SH3RF1: variants seen among roughly 807,000 people sequenced by gnomAD.
SH3RF1 encodes the protein E3 ubiquitin-protein ligase SH3RF1.
A neutral mutation model predicts 74.0 loss-of-function variants in SH3RF1; 32 were observed. The ratio of observed to expected loss-of-function variants is 0.43; its 90% CI spans 0.33 to 0.58. SH3RF1 has a LOEUF of 0.58. Ranked by LOEUF, SH3RF1 falls within the 20% of genes least tolerant of loss-of-function variation. SH3RF1 has a pLI of 0.05. For missense variants in SH3RF1, 954 were observed against 1,130.9 expected, an observed-to-expected ratio of 0.84 and a Z score of 2.24; for synonymous variants, 396 against 439.6, an observed-to-expected ratio of 0.90 and a Z score of 1.24.
At chr4:169,233,248 CAAAAAAAAAAAA>C (rs372381759) in intron 2 of SH3RF1, among the ~76,000 whole-genome samples, 1 of 65,594 alleles carries the variant, frequency 1.5e-5, no homozygotes, top group East Asian at 5.0e-4. Flanking sequence ...GACTCCATCT[CAAAAAAAAAAAA>C]AAAAAAAAAA....
At chr4:169,096,735 T>A (rs762766413) in intron 11 of SH3RF1, 48 bp from the exon 12 acceptor site, 7 of 1,554,196 alleles carry the variant, frequency 4.5e-6, no homozygotes, top group Admixed American at 4.0e-5. Flanking sequence ...GCAGTGATTT[T>A]AAAAAATGGT....
At chr4:169,226,055 T>G (rs934907721) in intron 2 of SH3RF1, among the ~76,000 whole-genome samples, 11 of 152,122 alleles carry the variant, frequency 7.2e-5, no homozygotes, top group Non-Finnish European at 1.5e-4. Context: ...GATAACCACT[T>G]CTAGGAGAAA....
At chr4:169,251,578 C>A (rs1295797042) in intron 2 of SH3RF1, among the ~76,000 whole-genome samples, 2 of 152,198 alleles carry the variant, frequency 1.3e-5, no homozygotes, top group Non-Finnish European at 2.9e-5. Context: ...GGTTGGCTTT[C>A]GTCCTTCAAA....
At chr4:169,105,591 A>C (rs894060675) in intron 11 of SH3RF1, among the ~76,000 whole-genome samples, 1 of 152,248 alleles carries the variant, frequency 6.6e-6, no homozygotes, top group Non-Finnish European at 1.5e-5. Context: ...CTTCTGGCTC[A>C]GGAAGAAGAA....
intron 2 of SH3RF1, among the ~76,000 whole-genome samples, chr4:169,266,633 G>C (rs1230151084): frequency 6.9e-6 from 1 of 144,508 alleles, no homozygotes; most frequent in African/African-American, 2.6e-5. Flanking sequence ...GGCAGGGGAT[G>C]GGGGAGGGGT....
intron 6 of SH3RF1, among the ~76,000 whole-genome samples, chr4:169,129,585 C>T (rs1733579815): frequency 6.6e-6 from 1 of 152,150 alleles, no homozygotes; most frequent in Non-Finnish European, 1.5e-5. Flanking sequence ...AGCTACAGAC[C>T]ATATGGACAC....
At chr4:169,184,059 C>G (rs1293845326) in intron 2 of SH3RF1, among the ~76,000 whole-genome samples, 1 of 152,140 alleles carries the variant, frequency 6.6e-6, no homozygotes, top group East Asian at 1.9e-4. Context: ...GGAAGGTGTT[C>G]ACAAACAATC....
chr4:169,117,687 C>T lies in SH3RF1; in HGVS notation c.1613G>A (p.Gly538Glu). ...ATTTCCCTGGAGCTTCTGGGCAGGC[C>T]CTCCTGCCGTGGAAGGACTGACCAT... ...VTMVSPSTAG[G>E]PAQKLQGNGV... Residue 538 changes from glycine to glutamate, a missense_variant, in exon 9 of 12, where the codon GGG (glycine) becomes GAG (glutamate). Physicochemically the swap from Gly to Glu is moderately conservative, Grantham distance 98. Transcript: ENST00000284637. 1.2e-6 allele frequency: 2 copies of T among 1,614,160 alleles called. No individual in the cohort carries two copies. Among genetic ancestry groups the T allele is most frequent in the South Asian group, 1.1e-5 (1 of 91,084 alleles).
At chr4:169,121,075 G>C in intron 7 of SH3RF1, 86 bp from the exon 8 acceptor site, 6 of 1,074,722 alleles carry the variant, frequency 5.6e-6, no homozygotes, top group Non-Finnish European at 7.1e-6. Context: ...ACAAAGTGTT[G>C]AACATTTTGT....
In SH3RF1 at chr4:169,145,419, T is replaced by G. The variant is rs10008801; in HGVS notation, c.766-8799A>C. 7.2e-3 allele frequency among the ~76,000 whole-genome samples: 1,102 copies of G among 152,036 alleles called. 13 individuals are homozygous for G. The highest frequency in any genetic ancestry group is 0.025 in the African/African-American group (1,056 of 41,462). On this transcript the variant is annotated intron_variant, in intron 4 of 11. Coordinates refer to ENST00000284637, the MANE Select transcript of SH3RF1 (RefSeq NM_020870.4). ...ACTGAGGATGCCAAAAGTGGGAAGA[T>G]GAGAGGCAGGTGAAGGTTGAAAATT...
intron 2 of SH3RF1, among the ~76,000 whole-genome samples, chr4:169,227,880 A>G (rs1000033456): frequency 1.1e-4 from 16 of 152,212 alleles, no homozygotes; most frequent in Admixed American, 6.5e-5. Context: ...GCATTTTTCA[A>G]TTCAGGAAGA....
rs564909307 is a variant in SH3RF1 at position 169,136,480 on chromosome 4, C to T, written c.906G>A (p.Arg302=). The change falls in exon 5 of 12, where the codon CGG becomes CGA. Residue 302 remains arginine (R), a synonymous_variant. Transcript: ENST00000284637. ...CCATAGTGAGGGAAGTGAAGGAGTGCCGCTTTTTGGTGTTCTTCTTGGTGT... is the reference window on the plus strand; with the variant it reads ...CCATAGTGAGGGAAGTGAAGGAGTGTCGCTTTTTGGTGTTCTTCTTGGTGT... ...HSDTKKNTKK[R]HSFTSLTMAN... 2 of 1,613,528 alleles carry T rather than the reference C, an allele frequency of 1.2e-6. No individual in the cohort carries two copies. Among genetic ancestry groups the T allele is most frequent in the Admixed American group, 3.3e-5 (2 of 59,942 alleles).
intron 2 of SH3RF1, among the ~76,000 whole-genome samples, chr4:169,256,756 C>T (rs148016263): frequency 2.6e-5 from 4 of 151,980 alleles, no homozygotes; most frequent in African/African-American, 7.2e-5. Context: ...GCCACCATGC[C>T]CAGCTAATTT....
chr4:169,124,156 C>T (rs1733487161), intron 6 of SH3RF1, among the ~76,000 whole-genome samples: 1 of 152,216 alleles, frequency 6.6e-6, no homozygotes, highest in African/African-American at 2.4e-5. Flanking sequence ...TACCACTTCA[C>T]TGATTTCCAT....
At chr4:169,102,053 C>T (rs1021868735) in intron 11 of SH3RF1, among the ~76,000 whole-genome samples, 3 of 152,142 alleles carry the variant, frequency 2.0e-5, no homozygotes, top group South Asian at 4.1e-4. Flanking sequence ...CATTTCTAAT[C>T]GCCCCTGGTA....
At chr4:169,144,555 A>C (rs1366455672) in intron 4 of SH3RF1, among the ~76,000 whole-genome samples, 1 of 152,180 alleles carries the variant, frequency 6.6e-6, no homozygotes, top group Non-Finnish European at 1.5e-5. Context: ...CTGACTCATG[A>C]TAAAAGAAAA....
At chr4:169,119,630 T>TA (rs1183451246) in intron 8 of SH3RF1, among the ~76,000 whole-genome samples, 4 of 152,194 alleles carry the variant, frequency 2.6e-5, no homozygotes, top group Admixed American at 2.6e-4. Flanking sequence ...GATTTTAACA[T>TA]ACATAGAAAA....
intron 2 of SH3RF1, among the ~76,000 whole-genome samples, chr4:169,223,480 G>A (rs2706729): frequency 0.48 from 72,889 of 152,000 alleles, 18,471 homozygotes; most frequent in East Asian, 0.78. Flanking sequence ...ACCAGAGCAT[G>A]AGGCAGGCAG....
chr4:169,255,161 C>T (rs901990611), intron 2 of SH3RF1, among the ~76,000 whole-genome samples: 1 of 152,046 alleles, frequency 6.6e-6, no homozygotes, highest in African/African-American at 2.4e-5. Flanking sequence ...AGTAGATGAC[C>T]ATTTTCAAAA....
Sources: allele counts gnomAD v4.1 joint callset (sites outside exome capture counted in the v4.1 genomes callset), GRCh38; gene constraint gnomAD v4.1.1; transcripts MANE v1.5; gene names NCBI Gene and HGNC (gene_info 2026-07-23, HGNC 2026-07-21).